The following LETM1 variants were observed in gnomAD, a reference collection of about 807,000 sequenced individuals.
The protein encoded by LETM1 is leucine zipper and EF-hand containing transmembrane protein 1.
A neutral mutation model predicts 74.5 loss-of-function variants in LETM1; 50 were observed. That is an observed-to-expected ratio of 0.67 (90% CI 0.53 to 0.85). The LOEUF (loss-of-function observed/expected upper bound fraction) is 0.85, where lower values mean the gene tolerates loss of function less well. Ranked by LOEUF, LETM1 falls within the 40% of genes least tolerant of loss-of-function variation. The probability of loss-of-function intolerance (pLI) is 0.00; values close to 1 mark genes in which losing one functional copy is unlikely to be tolerated. For missense variants in LETM1, 824 were observed against 967.8 expected, an observed-to-expected ratio of 0.85 and a Z score of 1.97; for synonymous variants, 446 against 407.1, an observed-to-expected ratio of 1.10 and a Z score of -1.15.
In LETM1 at chr4:1,812,911, C is replaced by T. The variant is rs1167073893; in HGVS notation, c.*1513G>A. The T allele has an allele frequency of 1.3e-5, 2 of 152,374 alleles. No individual in the cohort carries two copies. The highest frequency in any genetic ancestry group is 6.5e-5 in the Admixed American group (1 of 15,278). The allele number at this position is 152,374 out of a possible 1,614,324, so 9.4% of individuals were successfully genotyped here. A position where few individuals can be genotyped will look rare whatever the true frequency, so the allele number is the denominator to read the frequency against. ...AGGCAGTGAGGACGAGGATGAGAGCCGGGGCAGCTGACTGGGCCCGCGATG... is the reference window on the plus strand; with the variant it reads ...AGGCAGTGAGGACGAGGATGAGAGCTGGGGCAGCTGACTGGGCCCGCGATG... On this transcript the variant is annotated 3_prime_UTR_variant, in exon 14 of 14. Transcript: ENST00000302787.
chr4:1,850,923 C>T (rs1417040726), intron 1 of LETM1, among the ~76,000 whole-genome samples: 2 of 148,206 alleles, frequency 1.3e-5, no homozygotes, highest in South Asian at 2.1e-4. Context: ...GAGCTGAGAT[C>T]GCGCCATTGC....
At chr4:1,849,470 G>GTT (rs1236504447) in intron 1 of LETM1, among the ~76,000 whole-genome samples, 1 of 151,906 alleles carries the variant, frequency 6.6e-6, no homozygotes, top group African/African-American at 2.4e-5. Context: ...CATTCACCAT[G>GTT]TTGGCCAGGC....
chr4:1,856,103 G>A lies in LETM1; in HGVS notation c.-153C>T. ...TCGGACGGGAGGCGCTCTCCTCAAG[G>A]ACCCGGCACCAGCGGCGGCCTTGTC... On this transcript the variant is annotated 5_prime_UTR_variant, in exon 1 of 14. Coordinates refer to ENST00000302787, the MANE Select transcript of LETM1 (RefSeq NM_012318.3). 2.6e-6 allele frequency: 1 copy of A among 384,634 alleles called. No homozygotes were observed. Among genetic ancestry groups the A allele is most frequent in the Admixed American group, 4.8e-5 (1 of 20,760 alleles). The allele number at this position is 384,634 out of a possible 1,614,324, so 23.8% of individuals were successfully genotyped here. A position where few individuals can be genotyped will look rare whatever the true frequency, so the allele number is the denominator to read the frequency against.
At chr4:1,827,029 C>T (rs1162995702) in intron 6 of LETM1, among the ~76,000 whole-genome samples, 2 of 152,226 alleles carry the variant, frequency 1.3e-5, no homozygotes, top group African/African-American at 2.4e-5. Flanking sequence ...CAGCCCCGCT[C>T]ACTGCAGAAG....
At chr4:1,849,301 T>C (rs1712990132) in intron 1 of LETM1, 92 bp from the exon 2 acceptor site, 2 of 897,048 alleles carry the variant, frequency 2.2e-6, no homozygotes, top group South Asian at 1.4e-5. Flanking sequence ...GTTTCGCTCT[T>C]GCGCCCAGGC....
chr4:1,813,801 C>G lies in LETM1; in HGVS notation c.*623G>C, dbSNP rs1722535350. ...AAAGCCGAGAAAGAGCTCCGATACA[C>G]AAGGGAAACCGCACGTGAGAACCAG... On this transcript the variant is annotated 3_prime_UTR_variant, in exon 14 of 14. Transcript: ENST00000302787. 1 of 153,658 alleles carries G rather than the reference C, an allele frequency of 6.5e-6. No individual in the cohort carries two copies. Among genetic ancestry groups the G allele is most frequent in the Non-Finnish European group, 1.4e-5 (1 of 68,968 alleles). The allele number at this position is 153,658 out of a possible 1,614,324, so 9.5% of individuals were successfully genotyped here. A position where few individuals can be genotyped will look rare whatever the true frequency, so the allele number is the denominator to read the frequency against.
At position 1,812,184 on chromosome 4, in the gene LETM1, G is replaced by C. The variant is rs1008635176; in HGVS notation, c.*2240C>G. On this transcript the variant is annotated 3_prime_UTR_variant, in exon 14 of 14. Coordinates refer to ENST00000302787, the MANE Select transcript of LETM1 (RefSeq NM_012318.3). ...ATTGCACTCCAGCCTGGGAGACAGA[G>C]CAAGACTCTGTCTCAAAAAAAAAAA... 8.2e-6 allele frequency: 1 copy of C among 122,322 alleles called. No homozygotes were observed. The highest frequency in any genetic ancestry group is 3.3e-5 in the African/African-American group (1 of 30,670). The allele number at this position is 122,322 out of a possible 1,614,324, so 7.6% of individuals were successfully genotyped here. A position where few individuals can be genotyped will look rare whatever the true frequency, so the allele number is the denominator to read the frequency against.
In LETM1 at chr4:1,816,346, G is replaced by T. The variant is rs369308491; in HGVS notation, c.1931+381C>A. Among the ~76,000 whole-genome samples, 54 of 152,346 alleles carry T rather than the reference G, an allele frequency of 3.5e-4. 1 individual carries two copies. Among genetic ancestry groups the T allele is most frequent in the African/African-American group, 1.2e-3 (48 of 41,586 alleles). On this transcript the variant is annotated intron_variant, in intron 12 of 13. Transcript: ENST00000302787. ...CAGCCACTGCTGCGCAGGAATCTGG[G>T]ACATGTCGGGCACAGAGAAGGCCGA...
chr4:1,817,261 A>G (rs1025532771), intron 11 of LETM1, among the ~76,000 whole-genome samples: 7 of 151,392 alleles, frequency 4.6e-5, no homozygotes, highest in African/African-American at 1.7e-4. Flanking sequence ...AAAAAAAAAA[A>G]AAAAAAAGAA....
intron 6 of LETM1, among the ~76,000 whole-genome samples, chr4:1,828,867 A>C (rs1162816592): frequency 0.025 from 698 of 28,270 alleles, no homozygotes; most frequent in Admixed American, 0.035. Context: ...GGAGGCTGAC[A>C]CCCCCACCTC....
chr4:1,844,886 G>GAAAAA (rs971183682), intron 2 of LETM1, among the ~76,000 whole-genome samples: 1 of 51,016 alleles, frequency 2.0e-5, no homozygotes, highest in Non-Finnish European at 4.3e-5. Flanking sequence ...TGTCTCTACA[G>GAAAAA]AAAAAAAAAA....
chr4:1,850,859 G>A (rs889334411), intron 1 of LETM1, among the ~76,000 whole-genome samples: 6 of 150,904 alleles, frequency 4.0e-5, no homozygotes, highest in Non-Finnish European at 8.9e-5. Flanking sequence ...CCAGCTACTC[G>A]GGAGGCTGAG....
At position 1,814,270 on chromosome 4, in the gene LETM1, G is replaced by T; in HGVS notation, c.*154C>A. ...CAGACAGACTGAATCTCCGTGGAAT[G>T]ATGAAAATTAAAATTTACTTGATTA... On this transcript the variant is annotated 3_prime_UTR_variant, in exon 14 of 14. Transcript: ENST00000302787. 3 of 1,188,802 alleles carry T rather than the reference G, an allele frequency of 2.5e-6. No homozygotes were observed. Among genetic ancestry groups the T allele is most frequent in the Non-Finnish European group, 3.6e-6 (3 of 836,894 alleles). 73.6% of individuals were successfully genotyped at this position (1,188,802 alleles called of 1,614,324 possible).
chr4:1,821,128 T>TC (rs1711759602), intron 10 of LETM1, among the ~76,000 whole-genome samples: 1 of 151,132 alleles, frequency 6.6e-6, no homozygotes, highest in African/African-American at 2.4e-5. Flanking sequence ...GTGAAATTTT[T>TC]TTTTTTTTTT....
chr4:1,845,531 T>G (rs906513166), intron 2 of LETM1, among the ~76,000 whole-genome samples: 5 of 151,646 alleles, frequency 3.3e-5, no homozygotes, highest in Non-Finnish European at 5.9e-5. Flanking sequence ...CATCCATAAT[T>G]CTTTTTTCTT....
rs1711965903 is a variant in LETM1 at position 1,825,737 on chromosome 4, T to G, written c.1081-54A>C. 24 of 1,554,432 alleles carry G rather than the reference T, an allele frequency of 1.5e-5. No individual in the cohort carries two copies. The South Asian group carries it at 2.8e-4, about 18-fold the overall frequency. ...TGGGACAGTTGCTGGTGGGTGACAG[T>G]GTCTGTGTGAACACCCTCCAGAATA... On this transcript the variant is annotated intron_variant, in intron 6 of 13. Coordinates refer to ENST00000302787, the MANE Select transcript of LETM1 (RefSeq NM_012318.3).
Position 1,834,461 on chromosome 4 carries a change from C to T in LETM1, c.876+384G>A. ...CCAGGCCTCTGACCAGCCCCTGGGA[C>T]CTGGGATCTTCTTGACTGACTCCAG... is the stretch of plus-strand genomic sequence containing the variant. On this transcript the variant is annotated intron_variant, in intron 5 of 13. Transcript: ENST00000302787. The surrounding 1 kb of genome is among the most constrained non-coding windows in gnomAD (Gnocchi z 5.0). 9.7e-7 allele frequency: 1 copy of T among 1,033,192 alleles called. No individual in the cohort carries two copies. Among genetic ancestry groups the T allele is most frequent in the Non-Finnish European group, 1.2e-6 (1 of 859,782 alleles). The allele number at this position is 1,033,192 out of a possible 1,614,324, so 64.0% of individuals were successfully genotyped here.
At position 1,832,749 on chromosome 4, in the gene LETM1, C is replaced by G; in HGVS notation, c.1075G>C (p.Asp359His). Residue 359 changes from aspartate (D) to histidine (H), a missense_variant, in exon 6 of 14, where the codon GAC (aspartate) becomes CAC (histidine). Physicochemically the swap from Asp to His is moderately conservative, Grantham distance 81. This residue lies in a region of LETM1 where 269 missense variants were observed against 348.8 expected (regional missense o/e 0.77). Coordinates refer to ENST00000302787, the MANE Select transcript of LETM1 (RefSeq NM_012318.3). ...CGGAGTATGGCCAGGCTCACCTTGT[C>G]GTCTGCCTTTATGGAGCGCAGCCGC... ...TMRLRSIKAD[D>H]KLIAEEGVDS... 3.1e-6 allele frequency: 5 copies of G among 1,614,048 alleles called. No individual in the cohort carries two copies. Among genetic ancestry groups the G allele is most frequent in the Non-Finnish European group, 4.2e-6 (5 of 1,179,948 alleles).
At position 1,825,556 on chromosome 4, in the gene LETM1, T is replaced by A. The variant is rs779452515; in HGVS notation, c.1200+8A>T. ...TGCCGGCCTGGCACCAGGCCAATATTCACGCACCTGCTTCAGCTGACCCCT... is the reference window on the plus strand; with the variant it reads ...TGCCGGCCTGGCACCAGGCCAATATACACGCACCTGCTTCAGCTGACCCCT... On this transcript the variant is annotated splice_region_variant and intron_variant, in intron 7 of 13. Coordinates refer to ENST00000302787, the MANE Select transcript of LETM1 (RefSeq NM_012318.3). 4 of 1,607,364 alleles carry A rather than the reference T, an allele frequency of 2.5e-6. No homozygotes were observed. Among genetic ancestry groups the A allele is most frequent in the Non-Finnish European group, 3.4e-6 (4 of 1,174,906 alleles).
Sources: gnomAD v4.1 joint callset for allele counts (sites outside exome capture counted in the v4.1 genomes callset) on GRCh38, gnomAD v4.1.1 for gene constraint, gnomAD v4.1.1 regional missense constraint, Gnocchi (gnomAD v3.1) non-coding constraint, MANE v1.5 for transcripts, NCBI Gene and HGNC (gene_info 2026-07-23, HGNC 2026-07-21) for gene names.